The following SAFB variants were observed in gnomAD, a reference collection of about 807,000 sequenced individuals.
The protein encoded by SAFB is scaffold attachment factor B1.
Under a neutral mutation model 101.6 loss-of-function variants are expected in SAFB, and 15 were observed. The observed-to-expected ratio is 0.15, with a 90% CI of 0.10 to 0.23. The LOEUF is 0.23. Ranked by LOEUF, SAFB falls within the 10% of genes least tolerant of loss-of-function variation. SAFB has a pLI of 1.00. For synonymous variants in SAFB, 449 were observed against 407.5 expected (o/e 1.10, Z -1.23); for missense variants, 930 against 1,104.1 (o/e 0.84, Z 2.23).
chr19:5,656,289 T>A (rs1229595834), intron 13 of SAFB, among the ~76,000 whole-genome samples: 1 of 152,146 alleles, frequency 6.6e-6, no homozygotes, highest in African/African-American at 2.4e-5. Flanking sequence ...TATTATTATT[T>A]TTTAGACAGT....
chr19:5,649,736 CA>C, intron 7 of SAFB, 189 bp from the exon 8 acceptor site: 1 of 803,454 alleles, frequency 1.2e-6, no homozygotes, highest in Non-Finnish European at 2.0e-6. Context: ...TTTAGCCCAG[CA>C]GAATTAATTA....
At chr19:5,634,333 C>CG (rs966924952) in intron 2 of SAFB, among the ~76,000 whole-genome samples, 6 of 151,500 alleles carry the variant, frequency 4.0e-5, no homozygotes, top group African/African-American at 1.5e-4. Context: ...AAATTCTGGG[C>CG]GGGGGGGAAT....
At position 5,661,766 on chromosome 19, in the gene SAFB, A is replaced by G; in HGVS notation, c.2111A>G (p.Gln704Arg). The change falls in exon 15 of 21, where the codon CAG (glutamine) becomes CGG (arginine). Residue 704 changes from glutamine (Q) to arginine (R), a missense_variant. Gln to Arg is a conservative substitution (Grantham distance 43, BLOSUM62 1). Coordinates refer to ENST00000588852, the MANE Select transcript of SAFB (RefSeq NM_001201338.2). ...CGCCAGCAGGAACTGCGCTATGAGC[A>G]GGAGCGGCGGCCCGCGGTGCGGCGG... ...LRRQQELRYE[Q>R]ERRPAVRRPY... 1.3e-6 allele frequency: 2 copies of G among 1,577,694 alleles called. No individual in the cohort carries two copies. Among genetic ancestry groups the G allele is most frequent in the Non-Finnish European group, 8.6e-7 (1 of 1,163,558 alleles).
intron 2 of SAFB, among the ~76,000 whole-genome samples, chr19:5,630,145 G>C (rs1023378985): frequency 1.3e-5 from 2 of 152,190 alleles, no homozygotes; most frequent in Non-Finnish European, 2.9e-5. Context: ...TTGTTTGCCT[G>C]TTACCTTGTT....
intron 4 of SAFB, among the ~76,000 whole-genome samples, chr19:5,642,802 A>AT (rs976642666): frequency 3.3e-5 from 5 of 151,322 alleles, no homozygotes; most frequent in Admixed American, 2.0e-4. Context: ...AGTAGCTGGG[A>AT]TTATAGGCGC....
intron 9 of SAFB, 74 bp from the exon 10 acceptor site, chr19:5,653,041 G>A (rs1400762645): frequency 2.0e-6 from 3 of 1,494,114 alleles, no homozygotes; most frequent in Admixed American, 3.5e-5. Context: ...AGACTTCCCT[G>A]TGGGGTGTTC....
intron 2 of SAFB, among the ~76,000 whole-genome samples, chr19:5,635,147 AT>A (rs1233981729): frequency 6.6e-6 from 1 of 151,856 alleles, no homozygotes; most frequent in African/African-American, 2.4e-5. Context: ...TCAAAAAAAA[AT>A]TTTTTTTACA....
intron 2 of SAFB, 123 bp downstream of exon 2, chr19:5,626,612 T>C: frequency 1.6e-6 from 1 of 611,522 alleles, no homozygotes; most frequent in South Asian, 2.0e-5. Flanking sequence ...CTGGGAGCCT[T>C]CAGCGAAGCT....
intron 15 of SAFB, among the ~76,000 whole-genome samples, chr19:5,662,246 C>G (rs1462928253): frequency 6.6e-6 from 1 of 152,132 alleles, no homozygotes; most frequent in Non-Finnish European, 1.5e-5. Flanking sequence ...GCCTGTAATC[C>G]TAACATTTTG....
intron 2 of SAFB, among the ~76,000 whole-genome samples, chr19:5,635,665 A>C (rs745431546): frequency 1.3e-5 from 2 of 152,166 alleles, no homozygotes; most frequent in Non-Finnish European, 2.9e-5. Flanking sequence ...GCATCCCAGC[A>C]GAAGTCCAGG....
intron 13 of SAFB, among the ~76,000 whole-genome samples, chr19:5,655,459 C>CAAAA (rs56999816): frequency 1.8e-5 from 1 of 55,138 alleles, no homozygotes; most frequent in Non-Finnish European, 4.1e-5. Context: ...GACCCCATCT[C>CAAAA]AAAAAAAAAA....
intron 2 of SAFB, among the ~76,000 whole-genome samples, chr19:5,639,290 G>T (rs2053656175): frequency 6.6e-6 from 1 of 152,148 alleles, no homozygotes; most frequent in African/African-American, 2.4e-5. Flanking sequence ...AACTTCAAAA[G>T]AACTAAATAC....
Position 5,668,423 on chromosome 19 carries a change from T to C in SAFB, c.*132T>C. On this transcript the variant is annotated 3_prime_UTR_variant, in exon 21 of 21. Transcript: ENST00000588852. Reference sequence around the variant, plus strand: ...GCTCAATACAATGTGAATTTGTTTTTCGTTTTGGGGTTTTTTTTTTTTGTA... The same window carrying C: ...GCTCAATACAATGTGAATTTGTTTTCCGTTTTGGGGTTTTTTTTTTTTGTA... 9.5e-7 allele frequency: 1 copy of C among 1,055,374 alleles called. No individual in the cohort carries two copies. Among genetic ancestry groups the C allele is most frequent in the Non-Finnish European group, 1.3e-6 (1 of 761,652 alleles). 65.4% of individuals were successfully genotyped at this position (1,055,374 alleles called of 1,614,324 possible). A position where few individuals can be genotyped will look rare whatever the true frequency, so the allele number is the denominator to read the frequency against.
chr19:5,661,637 G>A lies in SAFB; in HGVS notation c.1982G>A (p.Arg661Gln), dbSNP rs2054206383. 6.2e-6 allele frequency: 10 copies of A among 1,612,352 alleles called. No homozygotes were observed. Among genetic ancestry groups the A allele is most frequent in the Non-Finnish European group, 8.5e-6 (10 of 1,179,694 alleles). The change falls in exon 15 of 21, where the codon CGG becomes CAG. Residue 661 changes from arginine to glutamine, a missense_variant. Transcript: ENST00000588852. ...RLAFQRQRLE[R>Q]ERMERERLER... is the part of the protein sequence containing the mutation. ...GCCTTCCAGCGCCAGCGGCTGGAGC[G>A]GGAGCGCATGGAGCGGGAACGGCTG... is the stretch of plus-strand genomic sequence containing the variant.
chr19:5,663,941 GC>G, intron 15 of SAFB, 80 bp from the exon 16 acceptor site: 1 of 1,471,190 alleles, frequency 6.8e-7, no homozygotes, highest in South Asian at 1.2e-5. Context: ...TCTGTGAAGT[GC>G]TAGGGGCCAG....
intron 4 of SAFB, among the ~76,000 whole-genome samples, chr19:5,644,480 T>TAA (rs1288178843): frequency 6.6e-6 from 1 of 152,196 alleles, no homozygotes; most frequent in Non-Finnish European, 1.5e-5. Context: ...CTTTGGCACT[T>TAA]AAACACGTGT....
rs369575203 is a variant in SAFB, at chr19:5,647,945, C to G, written c.610-71C>G. On this transcript the variant is annotated intron_variant, in intron 5 of 20. Transcript: ENST00000588852. ...TTTTAAAATTCCCTCTTTAGTTATT[C>G]TGGGTTTTCATTTAAATAAACTGTA... 4.8e-4 allele frequency: 642 copies of G among 1,341,784 alleles called. 4 individuals are homozygous for G. The South Asian group carries it at 5.5e-3, about 12-fold the overall frequency. 83.1% of individuals were successfully genotyped at this position (1,341,784 alleles called of 1,614,324 possible).
chr19:5,658,456 G>C (rs1027333033), intron 14 of SAFB, among the ~76,000 whole-genome samples: 1 of 152,200 alleles, frequency 6.6e-6, no homozygotes. Context: ...ACTTCGGGAG[G>C]CCGAGGCTGG....
intron 17 of SAFB, chr19:5,665,670 C>A (rs898944256): frequency 6.6e-6 from 1 of 152,130 alleles, no homozygotes; most frequent in Non-Finnish European, 1.5e-5. Context: ...GATATGCTCT[C>A]CTAACAGTGG....
Sources: gnomAD v4.1 joint callset for allele counts (sites outside exome capture counted in the v4.1 genomes callset) on GRCh38, gnomAD v4.1.1 for gene constraint, MANE v1.5 for transcripts, NCBI Gene and HGNC (gene_info 2026-07-23, HGNC 2026-07-21) for gene names.